Variants in SLC2A9 observed in about 807,000 individuals in gnomAD.
The protein encoded by SLC2A9 is solute carrier family 2 member 9.
A neutral mutation model predicts 50.6 loss-of-function variants in SLC2A9; 39 were observed. That is an observed-to-expected ratio of 0.77 (90% CI 0.60 to 1.01). The LOEUF is 1.01. Ranked by LOEUF, SLC2A9 falls within the 50% of genes least tolerant of loss-of-function variation. The pLI is 0.00. For synonymous variants in SLC2A9, 324 were observed against 276.9 expected (o/e 1.17, Z -1.69); for missense variants, 686 against 677.6 (o/e 1.01, Z -0.14).
At chr4:9,853,105 G>A (rs1352347319) in intron 10 of SLC2A9, among the ~76,000 whole-genome samples, 6 of 151,552 alleles carry the variant, frequency 4.0e-5, no homozygotes, top group Admixed American at 6.6e-5. Context: ...GAACCTGGGA[G>A]GCAGAGATTG....
intron 10 of SLC2A9, among the ~76,000 whole-genome samples, chr4:9,840,242 A>G (rs1000856435): frequency 2.6e-5 from 4 of 152,160 alleles, no homozygotes; most frequent in African/African-American, 9.7e-5. Context: ...GAACTTAGCT[A>G]TCTTCATAGT....
At chr4:9,809,012 T>A (rs1220725225) in intron 3 of SLC2A9, among the ~76,000 whole-genome samples, 3 of 152,218 alleles carry the variant, frequency 2.0e-5, no homozygotes, top group Non-Finnish European at 4.4e-5. Context: ...TCAATTGGCC[T>A]TTCTTGGAAG....
chr4:9,854,556 C>T (rs1222986703), intron 10 of SLC2A9, among the ~76,000 whole-genome samples: 3 of 152,124 alleles, frequency 2.0e-5, no homozygotes, highest in Admixed American at 6.5e-5. Flanking sequence ...CTATTCCTAC[C>T]AAAACTATTC....
intron 5 of SLC2A9, among the ~76,000 whole-genome samples, chr4:9,946,731 TA>T (rs1749239653): frequency 1.3e-5 from 2 of 152,228 alleles, no homozygotes; most frequent in Non-Finnish European, 1.5e-5. Context: ...AACCTTGTGT[TA>T]CATAAGAACA....
chr4:9,936,062 C>T (rs1368959095), intron 6 of SLC2A9, among the ~76,000 whole-genome samples: 1 of 152,216 alleles, frequency 6.6e-6, no homozygotes, highest in African/African-American at 2.4e-5. Flanking sequence ...CTGCCTCCTG[C>T]GAGAAATTGG....
At chr4:9,805,575 C>T (rs1409888243) in intron 3 of SLC2A9, among the ~76,000 whole-genome samples, 2 of 151,978 alleles carry the variant, frequency 1.3e-5, no homozygotes, top group African/African-American at 2.4e-5. Flanking sequence ...GTGGCAGGTG[C>T]TTGTAGTCTT....
At chr4:9,980,502 T>C (rs1028244524) in intron 5 of SLC2A9, 90 bp downstream of exon 5, 2 of 1,590,244 alleles carry the variant, frequency 1.3e-6, no homozygotes, top group African/African-American at 1.3e-5. Flanking sequence ...AATTGCAAAA[T>C]ACAGGGACCA....
intron 7 of SLC2A9, among the ~76,000 whole-genome samples, chr4:9,918,657 T>C (rs1243483297): frequency 2.0e-5 from 3 of 152,202 alleles, no homozygotes; most frequent in African/African-American, 7.2e-5. Context: ...GAGTGCTACA[T>C]GCATGTGCAC....
At chr4:9,941,879 G>T (rs767387534) in intron 6 of SLC2A9, 34 bp downstream of exon 6, 5 of 1,613,272 alleles carry the variant, frequency 3.1e-6, no homozygotes, top group East Asian at 4.5e-5. Context: ...CTATGCAGGG[G>T]CTGGAGCTGT....
intron 10 of SLC2A9, among the ~76,000 whole-genome samples, chr4:9,881,125 CT>C (rs1295796535): frequency 1.3e-5 from 2 of 152,198 alleles, no homozygotes; most frequent in East Asian, 3.8e-4. Context: ...TCAATGTTTG[CT>C]TTGGTTTTCT....
At chr4:9,967,406 T>C (rs1208601213) in intron 5 of SLC2A9, among the ~76,000 whole-genome samples, 1 of 152,058 alleles carries the variant, frequency 6.6e-6, no homozygotes, top group African/African-American at 2.4e-5. Flanking sequence ...ATTTCATCTA[T>C]AAAATATTTG....
intron 5 of SLC2A9, among the ~76,000 whole-genome samples, chr4:9,958,648 T>A (rs1225841194): frequency 6.6e-6 from 1 of 152,016 alleles, no homozygotes; most frequent in Non-Finnish European, 1.5e-5. Context: ...AATAATAATT[T>A]AAAAACAAAA....
chr4:9,803,013 T>C (rs1046373874), intron 3 of SLC2A9, among the ~76,000 whole-genome samples: 14 of 152,236 alleles, frequency 9.2e-5, no homozygotes, highest in Non-Finnish European at 1.2e-4. Context: ...ATTTTCTTGA[T>C]AGATATATGG....
At chr4:9,782,579 C>T in intron 3 of SLC2A9, 1 of 1,613,952 alleles carries the variant, frequency 6.2e-7, no homozygotes, top group Non-Finnish European at 8.5e-7. Flanking sequence ...GCACAGGGAC[C>T]AGGCGGCCTC....
intron 10 of SLC2A9, among the ~76,000 whole-genome samples, chr4:9,846,168 G>A (rs142457112): frequency 7.9e-5 from 12 of 152,322 alleles, no homozygotes; most frequent in African/African-American, 2.9e-4. Context: ...CCAGGTAAGA[G>A]ACTCTCTCCT....
intron 7 of SLC2A9, among the ~76,000 whole-genome samples, chr4:9,914,522 C>T (rs187792511): frequency 6.6e-6 from 1 of 152,352 alleles, no homozygotes; most frequent in African/African-American, 2.4e-5. Context: ...CTTCACAAAA[C>T]AGGACCTGTG....
intron 3 of SLC2A9, chr4:9,783,288 C>T: frequency 2.5e-6 from 4 of 1,614,238 alleles, no homozygotes; most frequent in Non-Finnish European, 3.4e-6. Flanking sequence ...GCCGTTACCC[C>T]CGGCAACCGG....
intron 10 of SLC2A9, among the ~76,000 whole-genome samples, chr4:9,868,693 C>T (rs1020450411): frequency 6.6e-6 from 1 of 152,200 alleles, no homozygotes. Flanking sequence ...CCCAGGAACC[C>T]CCATACCTGT....
intron 8 of SLC2A9, among the ~76,000 whole-genome samples, chr4:9,895,793 T>C (rs1045318894): frequency 6.6e-6 from 1 of 152,262 alleles, no homozygotes; most frequent in Admixed American, 6.5e-5. Context: ...ACAATTAGGA[T>C]ATTGAACATT....
Sources: allele counts gnomAD v4.1 joint callset (sites outside exome capture counted in the v4.1 genomes callset), GRCh38; gene constraint gnomAD v4.1.1; transcripts MANE v1.5; gene names NCBI Gene and HGNC (gene_info 2026-07-23, HGNC 2026-07-21).